Variants in CAST observed in about 807,000 individuals in gnomAD.
CAST encodes the protein MIR583 host.
A neutral mutation model predicts 119.6 loss-of-function variants in CAST; 76 were observed. That is an observed-to-expected ratio of 0.64 (90% CI 0.53 to 0.77). CAST has a LOEUF of 0.77. CAST is among the 30% of genes least tolerant of loss of function. CAST has a pLI of 0.00. For synonymous variants in CAST, 319 were observed against 331.6 expected (o/e 0.96, Z 0.41); for missense variants, 953 against 946.5 (o/e 1.01, Z -0.09).
chr5:96,569,163 C>T (rs1277742946), intron 1 of CAST, among the ~76,000 whole-genome samples: 1 of 152,158 alleles, frequency 6.6e-6, no homozygotes, highest in Non-Finnish European at 1.5e-5. Context: ...TTCCTCCCTG[C>T]TGAAGTAGAC....
chr5:96,570,065 T>C (rs915636407), intron 1 of CAST, among the ~76,000 whole-genome samples: 2 of 152,184 alleles, frequency 1.3e-5, no homozygotes, highest in African/African-American at 4.8e-5. Flanking sequence ...CGTACCCTGA[T>C]CTAAAATCCG....
At chr5:96,422,083 AT>A in the CAST span, 1 of 690,994 alleles carries the variant, frequency 1.4e-6, no homozygotes, top group Non-Finnish European at 2.6e-6. Context: ...AAAAGCCTGC[AT>A]TTTAGAGTTT....
the CAST span, among the ~76,000 whole-genome samples, chr5:96,295,212 T>C: frequency 1.3e-5 from 2 of 152,220 alleles, no homozygotes; most frequent in East Asian, 3.8e-4. Context: ...TTTGAATCTC[T>C]CTTTTGAATC....
At chr5:96,365,224 G>A in the CAST span, among the ~76,000 whole-genome samples, 1 of 152,194 alleles carries the variant, frequency 6.6e-6, no homozygotes, top group African/African-American at 2.4e-5. Flanking sequence ...TACATTTGCT[G>A]AGGAGTGCTT....
the CAST span, among the ~76,000 whole-genome samples, chr5:96,512,456 G>A: frequency 6.6e-6 from 1 of 152,206 alleles, no homozygotes; most frequent in African/African-American, 2.4e-5. Context: ...TATGACTGGA[G>A]ATATATGGCA....
chr5:96,290,880 G>A, the CAST span, among the ~76,000 whole-genome samples: 5 of 152,186 alleles, frequency 3.3e-5, no homozygotes, highest in Admixed American at 6.5e-5. Flanking sequence ...TAGGCTTTAC[G>A]TGTGTAATCT....
the CAST span, among the ~76,000 whole-genome samples, chr5:96,091,088 T>A: frequency 6.6e-6 from 1 of 152,218 alleles, no homozygotes; most frequent in East Asian, 1.9e-4. Context: ...TTGCCGTCTG[T>A]TTGTAGTGTA....
chr5:96,654,026 T>C (rs1183937433), intron 1 of CAST, among the ~76,000 whole-genome samples: 1 of 124,316 alleles, frequency 8.0e-6, no homozygotes, highest in Admixed American at 9.9e-5. Flanking sequence ...TCTTTTCTTT[T>C]CTTTTTTTTT....
the CAST span, among the ~76,000 whole-genome samples, chr5:96,050,847 A>G: frequency 1.3e-5 from 2 of 152,120 alleles, no homozygotes; most frequent in Admixed American, 1.3e-4. Flanking sequence ...TGTGCGGAGG[A>G]GCGGGCTCGG....
At chr5:96,443,689 T>G in the CAST span, among the ~76,000 whole-genome samples, 2 of 152,236 alleles carry the variant, frequency 1.3e-5, no homozygotes, top group South Asian at 2.1e-4. Flanking sequence ...AGATTGTGAT[T>G]TAATTGGTGT....
intron 1 of CAST, among the ~76,000 whole-genome samples, chr5:96,551,474 G>A (rs893509116): frequency 6.6e-6 from 1 of 152,152 alleles, no homozygotes; most frequent in Non-Finnish European, 1.5e-5. Flanking sequence ...ATGCCAAATT[G>A]TAAAGACCAT....
the CAST span, chr5:96,399,157 A>G: frequency 2.7e-6 from 2 of 729,206 alleles, no homozygotes; most frequent in South Asian, 3.1e-5. Flanking sequence ...ACTCCCTGTG[A>G]TGTGTAGAAC....
the CAST span, among the ~76,000 whole-genome samples, chr5:96,488,467 C>T: frequency 6.6e-6 from 1 of 152,164 alleles, no homozygotes; most frequent in South Asian, 2.1e-4. Flanking sequence ...TCAAAAAATG[C>T]AAAACTTCAA....
At chr5:96,302,805 A>G in the CAST span, among the ~76,000 whole-genome samples, 6 of 152,326 alleles carry the variant, frequency 3.9e-5, no homozygotes, top group East Asian at 7.7e-4. Flanking sequence ...CAATATCACT[A>G]TTGGCATTTT....
chr5:96,542,255 G>A (rs1376204800), intron 1 of CAST, among the ~76,000 whole-genome samples: 3 of 149,314 alleles, frequency 2.0e-5, no homozygotes, highest in Admixed American at 6.7e-5. Context: ...AGCCTGCAGT[G>A]AGCCGAGATC....
At chr5:96,517,594 G>A in the CAST span, among the ~76,000 whole-genome samples, 2 of 152,214 alleles carry the variant, frequency 1.3e-5, no homozygotes, top group Non-Finnish European at 2.9e-5. Flanking sequence ...CTGGAGACGA[G>A]TTGTGTCAGA....
the CAST span, among the ~76,000 whole-genome samples, chr5:95,975,417 A>C: frequency 6.6e-6 from 1 of 152,162 alleles, no homozygotes; most frequent in Admixed American, 6.5e-5. Flanking sequence ...AAGAATCTGC[A>C]TTTTAAAAAC....
chr5:95,969,717 G>C, the CAST span, among the ~76,000 whole-genome samples: 1 of 152,126 alleles, frequency 6.6e-6, no homozygotes, highest in East Asian at 1.9e-4. Context: ...CTTCAAGTTT[G>C]GTTTACTAGA....
the CAST span, among the ~76,000 whole-genome samples, chr5:96,025,296 C>T: frequency 6.6e-6 from 1 of 152,110 alleles, no homozygotes. Flanking sequence ...AGATGATCGT[C>T]TTCTCTTATC....
Sources: allele counts gnomAD v4.1 joint callset (sites outside exome capture counted in the v4.1 genomes callset), GRCh38; gene constraint gnomAD v4.1.1; transcripts MANE v1.5; gene names NCBI Gene and HGNC (gene_info 2026-07-23, HGNC 2026-07-21).